The following POFUT1 variants were observed in gnomAD, a reference collection of about 807,000 sequenced individuals.
POFUT1 encodes protein O-fucosyltransferase 1.
POFUT1 carries 16 observed loss-of-function variants against 42.4 expected under a neutral mutation model. That is an observed-to-expected ratio of 0.38 (90% CI 0.26 to 0.57). POFUT1 has a LOEUF of 0.57. Ranked by LOEUF, POFUT1 falls within the 20% of genes least tolerant of loss-of-function variation. POFUT1 has a pLI of 0.71. For missense variants in POFUT1, 470 were observed against 504.6 expected (o/e 0.93, Z 0.66); for synonymous variants, 206 against 205.4 (o/e 1.00, Z -0.03).
chr20:32,220,515 G>A (rs551660046), intron 4 of POFUT1, among the ~76,000 whole-genome samples: 1 of 152,256 alleles, frequency 6.6e-6, no homozygotes, highest in South Asian at 2.1e-4. Flanking sequence ...GCTGAGGCGG[G>A]TGGATCACTT....
chr20:32,229,783 T>G (rs905403309), intron 5 of POFUT1, among the ~76,000 whole-genome samples: 1 of 151,636 alleles, frequency 6.6e-6, no homozygotes, highest in Non-Finnish European at 1.5e-5. Flanking sequence ...CAATGCTTTT[T>G]TTTTTGAGAC....
In POFUT1 at chr20:32,214,416, C is replaced by A. The variant is rs557799094; in HGVS notation, c.247-853C>A. On this transcript the variant is annotated intron_variant, in intron 2 of 6. Transcript: ENST00000375749. ...CTGAGATTACAGACATGAGCTACCA[C>A]ACCTGGCCAGAAGGAGCATTTTAAA... Among the ~76,000 whole-genome samples the A allele has an allele frequency of 2.0e-5, 3 of 152,296 alleles. No individual in the cohort carries two copies. The East Asian group carries it at 5.8e-4, about 29-fold the overall frequency.
chr20:32,227,577 C>T lies in POFUT1; in HGVS notation c.543-686C>T, dbSNP rs139570438. ...AATATTTACCAAGCTCTTGGGTGTGCCAGACACTATTCTGCGCATACTGGA... is the reference window on the plus strand; with the variant it reads ...AATATTTACCAAGCTCTTGGGTGTGTCAGACACTATTCTGCGCATACTGGA... On this transcript the variant is annotated intron_variant, in intron 4 of 6. Transcript: ENST00000375749. 3.6e-3 allele frequency among the ~76,000 whole-genome samples: 547 copies of T among 152,202 alleles called. 3 individuals are homozygous for T. Among genetic ancestry groups the T allele is most frequent in the African/African-American group, 0.012 (514 of 41,542 alleles).
At chr20:32,225,773 G>T (rs2047411771) in intron 4 of POFUT1, among the ~76,000 whole-genome samples, 1 of 151,858 alleles carries the variant, frequency 6.6e-6, no homozygotes, top group African/African-American at 2.4e-5. Flanking sequence ...TACAGAAGTG[G>T]CCACCACACC....
intron 4 of POFUT1, chr20:32,217,811 G>T: frequency 1.1e-6 from 1 of 906,572 alleles, no homozygotes; most frequent in Non-Finnish European, 1.3e-6. Context: ...CATTTTATAG[G>T]TGAGGAAACT....
intron 2 of POFUT1, 97 bp from the exon 3 acceptor site, chr20:32,215,172 A>T: frequency 1.1e-6 from 1 of 909,352 alleles, no homozygotes; most frequent in Non-Finnish European, 1.7e-6. Flanking sequence ...TACAGGCGTG[A>T]GCCACTGCAC....
Position 32,216,826 on chromosome 20 carries a change from A to G in POFUT1, c.542+105A>G, listed in dbSNP as rs1390933163. 55 of 1,381,340 alleles carry G rather than the reference A, an allele frequency of 4.0e-5. No homozygotes were observed. In the Admixed American group the frequency reaches 1.1e-3, roughly 26 times the overall value. The allele number at this position is 1,381,340 out of a possible 1,614,324, so 85.6% of individuals were successfully genotyped here. ...CCCATCTTCCCAACTCTGATGTATG[A>G]GACCAAAGGTGCAGGTGCTCTGTCT... On this transcript the variant is annotated intron_variant, in intron 4 of 6. Coordinates refer to ENST00000375749, the MANE Select transcript of POFUT1 (RefSeq NM_015352.2).
At chr20:32,229,270 A>G (rs1414520166) in intron 5 of POFUT1, among the ~76,000 whole-genome samples, 1 of 152,254 alleles carries the variant, frequency 6.6e-6, no homozygotes, top group Non-Finnish European at 1.5e-5. Flanking sequence ...TCAGAAAATT[A>G]TAGCCTGTTC....
intron 4 of POFUT1, among the ~76,000 whole-genome samples, chr20:32,227,924 CACCCCACCCTGGA>C (rs2047422831): frequency 6.6e-6 from 1 of 152,200 alleles, no homozygotes; most frequent in Non-Finnish European, 1.5e-5. Flanking sequence ...TTGGTCCAGA[CACCCCACCCTGGA>C]ATGAATTACT....
intron 1 of POFUT1, among the ~76,000 whole-genome samples, chr20:32,209,228 A>G (rs2047313093): frequency 6.6e-6 from 1 of 152,144 alleles, no homozygotes; most frequent in South Asian, 2.1e-4. Flanking sequence ...TTTCTGCCTG[A>G]CCAGCTGTTT....
intron 2 of POFUT1, among the ~76,000 whole-genome samples, chr20:32,211,591 A>G (rs1294049963): frequency 6.6e-6 from 1 of 152,184 alleles, no homozygotes; most frequent in Non-Finnish European, 1.5e-5. Context: ...ATTACAGTGT[A>G]GACATTGCCC....
At chr20:32,231,482 C>G in intron 6 of POFUT1, 1 of 268,662 alleles carries the variant, frequency 3.7e-6, no homozygotes, top group Non-Finnish European at 7.4e-6. Flanking sequence ...CTTACCATCA[C>G]CAGTGTCTAG....
chr20:32,223,483 T>C, intron 4 of POFUT1: 2 of 985,388 alleles, frequency 2.0e-6, no homozygotes, highest in Non-Finnish European at 2.4e-6. Context: ...CTGCAGGTGC[T>C]TTCCAAGAGG....
At chr20:32,229,686 C>G (rs1020512972) in intron 5 of POFUT1, among the ~76,000 whole-genome samples, 6 of 152,144 alleles carry the variant, frequency 3.9e-5, no homozygotes, top group Admixed American at 3.9e-4. Context: ...GCAGTAAGAC[C>G]AAGAAAAGTA....
rs1227491198 is a variant in POFUT1, at chr20:32,236,115, G to A, written c.*1454G>A. 2.6e-5 allele frequency: 4 copies of A among 152,250 alleles called. No homozygotes were observed. Among genetic ancestry groups the A allele is most frequent in the Non-Finnish European group, 5.9e-5 (4 of 68,078 alleles). 9.4% of individuals were successfully genotyped at this position (152,250 alleles called of 1,614,324 possible). Reference sequence around the variant, plus strand: ...TTTTCCCTTTTGGGAAAACAATGAAGTGTTTTAAGTCCTGGGTGGACTGAG... The same window carrying A: ...TTTTCCCTTTTGGGAAAACAATGAAATGTTTTAAGTCCTGGGTGGACTGAG... On this transcript the variant is annotated 3_prime_UTR_variant, in exon 7 of 7. Transcript: ENST00000375749.
At position 32,215,327 on chromosome 20, in the gene POFUT1, T is replaced by C. The variant is rs1413601925; in HGVS notation, c.305T>C (p.Val102Ala). 1 of 1,614,116 alleles carries C rather than the reference T, an allele frequency of 6.2e-7. No homozygotes were observed. Among genetic ancestry groups the C allele is most frequent in the South Asian group, 1.1e-5 (1 of 91,078 alleles). The stretch of plus-strand genomic sequence containing the variant: ...GAGCCCCTCCAGGCTTACCATCGGG[T>C]CATCAGCTTGGAGGATTTCATGGAG... ...KLEPLQAYHR[V>A]ISLEDFMEKL... The change falls in exon 3 of 7, where the codon GTC becomes GCC. Residue 102 changes from valine (V) to alanine (A), a missense_variant. Val to Ala is a moderately conservative substitution (Grantham distance 64, BLOSUM62 0). Transcript: ENST00000375749.
rs998786783 is a variant in POFUT1, at chr20:32,208,082, C to T, written c.124+17C>T. On this transcript the variant is annotated intron_variant, in intron 1 of 6. Coordinates refer to ENST00000375749, the MANE Select transcript of POFUT1 (RefSeq NM_015352.2). ...CCTGCATGGGTAAGGCCTCCCAAGC[C>T]CTCTGCTCAGATGGAGAAACTGAGG... The T allele has an allele frequency of 6.5e-7, 1 of 1,540,644 alleles. No homozygotes were observed. Among genetic ancestry groups the T allele is most frequent in the Non-Finnish European group, 8.7e-7 (1 of 1,147,364 alleles).
At chr20:32,229,764 C>T (rs2047432587) in intron 5 of POFUT1, among the ~76,000 whole-genome samples, 1 of 151,916 alleles carries the variant, frequency 6.6e-6, no homozygotes, top group Non-Finnish European at 1.5e-5. Flanking sequence ...CTGTTAACTC[C>T]TCCTCCTTCA....
chr20:32,219,459 T>C (rs1253791335), intron 4 of POFUT1, among the ~76,000 whole-genome samples: 3 of 151,886 alleles, frequency 2.0e-5, no homozygotes, highest in East Asian at 3.9e-4. Context: ...GTTGCTCTTA[T>C]CTGTTGCTGC....
Sources: gnomAD v4.1 joint callset for allele counts (sites outside exome capture counted in the v4.1 genomes callset) on GRCh38, gnomAD v4.1.1 for gene constraint, MANE v1.5 for transcripts, NCBI Gene and HGNC (gene_info 2026-07-23, HGNC 2026-07-21) for gene names.